NUP155: variants seen among roughly 807,000 people sequenced by gnomAD.
The protein encoded by NUP155 is nuclear pore complex protein Nup155.
Under a neutral mutation model 180.4 loss-of-function variants are expected in NUP155, and 71 were observed. The ratio of observed to expected loss-of-function variants is 0.39; its 90% CI spans 0.33 to 0.48. NUP155 has a LOEUF of 0.48. NUP155 is among the 20% of genes least tolerant of loss of function. The pLI is 0.91. For missense variants in NUP155, 1,553 were observed against 1,648.9 expected (o/e 0.94, Z 1.01); for synonymous variants, 582 against 559.5 (o/e 1.04, Z -0.57).
intron 18 of NUP155, 86 bp downstream of exon 18, chr5:37,327,540 AATG>A (rs1744680728): frequency 6.9e-7 from 1 of 1,449,674 alleles, no homozygotes; most frequent in Non-Finnish European, 9.7e-7. Flanking sequence ...AATAGGAATA[AATG>A]ATGTCCCAAA....
Position 37,302,810 on chromosome 5 carries a change from T to C in NUP155, c.3416A>G (p.Glu1139Gly). Residue 1139 changes from glutamate to glycine, a missense_variant, in exon 29 of 35, where the codon GAA becomes GGA. Physicochemically the swap from Glu to Gly is moderately conservative, Grantham distance 98 (BLOSUM62 -2). Transcript: ENST00000231498. The stretch of plus-strand genomic sequence containing the variant: ...TTTTTCTTCTAATTCATGAAGAAAT[T>C]CACCATCGGCAGCTATTGATGAAAT... ...TAISSIAADG[E>G]FLHELEEKME... 6.2e-7 allele frequency: 1 copy of C among 1,614,080 alleles called. No individual in the cohort carries two copies. Among genetic ancestry groups the C allele is most frequent in the South Asian group, 1.1e-5 (1 of 91,074 alleles).
intron 20 of NUP155, among the ~76,000 whole-genome samples, chr5:37,319,920 T>C (rs1744134976): frequency 6.6e-6 from 1 of 152,194 alleles, no homozygotes; most frequent in South Asian, 2.1e-4. Context: ...CAGTGGGTCA[T>C]GCCTGTAATC....
intron 21 of NUP155, among the ~76,000 whole-genome samples, chr5:37,317,127 C>A (rs1287633426): frequency 6.6e-6 from 1 of 151,574 alleles, no homozygotes; most frequent in African/African-American, 2.4e-5. Flanking sequence ...CGAGATCATG[C>A]CACTGCACTC....
At chr5:37,369,407 A>C (rs1257114360) in intron 1 of NUP155, among the ~76,000 whole-genome samples, 1 of 152,244 alleles carries the variant, frequency 6.6e-6, no homozygotes, top group Admixed American at 6.5e-5. Context: ...CTTCTTACGG[A>C]AAATATGCTA....
Position 37,309,183 on chromosome 5 carries a change from G to T in NUP155, c.2713C>A (p.Gln905Lys), listed in dbSNP as rs773843315. The change falls in exon 24 of 35, where the codon CAA (glutamine) becomes AAA (lysine). Residue 905 changes from glutamine to lysine, a missense_variant. Coordinates refer to ENST00000231498, the MANE Select transcript of NUP155 (RefSeq NM_153485.3). ...AGGTCCACTTGATTGCTAATTTTTTGATATTCCTTTAATGATTCCCTTAAC... is the reference window on the plus strand; with the variant it reads ...AGGTCCACTTGATTGCTAATTTTTTTATATTCCTTTAATGATTCCCTTAAC... ...RMLRESLKEY[Q>K]KISNQVDLSN... is the part of the protein sequence containing the mutation. The T allele has an allele frequency of 2.5e-6, 4 of 1,613,370 alleles. No homozygotes were observed. Among genetic ancestry groups the T allele is most frequent in the Non-Finnish European group, 3.4e-6 (4 of 1,179,648 alleles).
Position 37,306,424 on chromosome 5 carries a change from C to CA in NUP155, c.2903+872dup, listed in dbSNP as rs200527224. Among the ~76,000 whole-genome samples, 143 of 152,144 alleles carry CA rather than the reference C, an allele frequency of 9.4e-4. 1 individual carries two copies. In the East Asian group the frequency reaches 0.023, roughly 24 times the overall value. On this transcript the variant is annotated intron_variant, in intron 25 of 34. Transcript: ENST00000231498. Reference sequence around the variant, plus strand: ...TTTGTCTCAAAAACAAAAACAAAAACAAAACAAAACACCCTCCATATATAT... The same window carrying CA: ...TTTGTCTCAAAAACAAAAACAAAAACAAAAACAAAACACCCTCCATATATAT...
chr5:37,312,986 T>C (rs1015272344), intron 22 of NUP155, among the ~76,000 whole-genome samples: 1 of 152,192 alleles, frequency 6.6e-6, no homozygotes, highest in Admixed American at 6.5e-5. Context: ...TGCTCACAAT[T>C]AAATAAAAGG....
At chr5:37,295,471 T>C (rs1284406876) in intron 32 of NUP155, among the ~76,000 whole-genome samples, 3 of 151,422 alleles carry the variant, frequency 2.0e-5, no homozygotes, top group Non-Finnish European at 2.9e-5. Context: ...GCCGCCACCC[T>C]GTCTGGGAAG....
chr5:37,362,920 T>C (rs566999527), intron 3 of NUP155, among the ~76,000 whole-genome samples: 37 of 152,260 alleles, frequency 2.4e-4, no homozygotes, highest in Middle Eastern at 3.4e-3. Context: ...TGTTTTGTTG[T>C]TGTTGTTTCT....
rs1239249890 is a variant in NUP155, at chr5:37,288,323, G to A, written c.*3577C>T. 1 of 152,152 alleles carries A rather than the reference G, an allele frequency of 6.6e-6. No homozygotes were observed. Among genetic ancestry groups the A allele is most frequent in the African/African-American group, 2.4e-5 (1 of 41,420 alleles). The allele number at this position is 152,152 out of a possible 1,614,324, so 9.4% of individuals were successfully genotyped here. On this transcript the variant is annotated 3_prime_UTR_variant, in exon 35 of 35. Transcript: ENST00000231498. ...TAGGAGGAAAAATGACAGGAATGGAGACTACCCTGAGGAATACTTTTGAGA... is the reference window on the plus strand; with the variant it reads ...TAGGAGGAAAAATGACAGGAATGGAAACTACCCTGAGGAATACTTTTGAGA...
At chr5:37,330,690 C>T (rs1036019128) in intron 14 of NUP155, among the ~76,000 whole-genome samples, 1 of 152,146 alleles carries the variant, frequency 6.6e-6, no homozygotes, top group Non-Finnish European at 1.5e-5. Context: ...AAGATCTCTA[C>T]ACTGTTGCCT....
intron 9 of NUP155, 32 bp downstream of exon 9, chr5:37,348,473 A>T (rs745329506): frequency 2.3e-6 from 3 of 1,322,382 alleles, no homozygotes; most frequent in Non-Finnish European, 3.3e-6. Flanking sequence ...TATGCCTGCA[A>T]ATGAAATGCT....
intron 24 of NUP155, 32 bp from the exon 25 acceptor site, chr5:37,307,464 A>G: frequency 1.1e-5 from 17 of 1,609,650 alleles, no homozygotes; most frequent in Non-Finnish European, 1.4e-5. Flanking sequence ...AAGACCTATG[A>G]CTTACTACTA....
intron 11 of NUP155, among the ~76,000 whole-genome samples, chr5:37,339,736 A>G (rs1220516382): frequency 1.3e-5 from 2 of 152,146 alleles, no homozygotes; most frequent in African/African-American, 4.8e-5. Flanking sequence ...AGCTATCACA[A>G]TCCAACCTCA....
At chr5:37,293,232 A>G (rs778717818) in intron 33 of NUP155, 12 of 397,900 alleles carry the variant, frequency 3.0e-5, no homozygotes, top group Non-Finnish European at 4.6e-5. Context: ...TCTACTTTGC[A>G]GAGCATGTAA....
chr5:37,313,668 TTTA>T (rs1345790756), intron 22 of NUP155, among the ~76,000 whole-genome samples: 1 of 148,130 alleles, frequency 6.8e-6, no homozygotes, highest in Non-Finnish European at 1.5e-5. Context: ...ACTTGACTAA[TTTA>T]TTTTTTATTT....
intron 4 of NUP155, among the ~76,000 whole-genome samples, chr5:37,355,852 A>C (rs915238889): frequency 1.9e-4 from 29 of 151,814 alleles, no homozygotes; most frequent in African/African-American, 5.6e-4. Flanking sequence ...TGCTGGGATT[A>C]CAGGCTCAAG....
rs368161204 is a variant in NUP155 at position 37,366,422 on chromosome 5, A to T, written c.158-2038T>A. Among the ~76,000 whole-genome samples the T allele has an allele frequency of 5.9e-5, 9 of 152,124 alleles. No individual in the cohort carries two copies. The East Asian group carries it at 1.2e-3, about 20-fold the overall frequency. On this transcript the variant is annotated intron_variant, in intron 1 of 34. Transcript: ENST00000231498. ...TCATGTTTCATTTTTATCATTGTTC[A>T]CTCCTTCCCCAATTATCTTTTTATT...
rs765814218 is a variant in NUP155 at position 37,314,296 on chromosome 5, C to T, written c.2338G>A (p.Ala780Thr). ...AQLSEKISLQ[A>T]IQQLVRKSYQ... Reference sequence around the variant, plus strand: ...GATTTTCGAACCAACTGCTGAATTGCCTGAAGTGAAATCTTTTCACTTAGT... The same window carrying T: ...GATTTTCGAACCAACTGCTGAATTGTCTGAAGTGAAATCTTTTCACTTAGT... The change falls in exon 22 of 35, where the codon GCA becomes ACA. Residue 780 changes from alanine to threonine, a missense_variant. Coordinates refer to ENST00000231498, the MANE Select transcript of NUP155 (RefSeq NM_153485.3). 2 of 1,609,382 alleles carry T rather than the reference C, an allele frequency of 1.2e-6. No individual in the cohort carries two copies. Among genetic ancestry groups the T allele is most frequent in the Non-Finnish European group, 1.7e-6 (2 of 1,176,136 alleles).
Sources: allele counts gnomAD v4.1 joint callset (sites outside exome capture counted in the v4.1 genomes callset), GRCh38; gene constraint gnomAD v4.1.1; transcripts MANE v1.5; gene names NCBI Gene and HGNC (gene_info 2026-07-23, HGNC 2026-07-21).